Variants in LIN7B observed in about 807,000 individuals in gnomAD.
The protein encoded by LIN7B is lin-7 cell polarity scaffold B.
LIN7B carries 16 observed loss-of-function variants against 27.9 expected under a neutral mutation model. The ratio of observed to expected loss-of-function variants is 0.57; its 90% CI spans 0.39 to 0.87. The LOEUF (loss-of-function observed/expected upper bound fraction) is 0.87, where lower values mean the gene tolerates loss of function less well. Ranked by LOEUF, LIN7B falls within the 40% of genes least tolerant of loss-of-function variation. LIN7B has a pLI of 0.00. For missense variants in LIN7B, 291 were observed against 288.5 expected (o/e 1.01, Z -0.06); for synonymous variants, 147 against 120.8 (o/e 1.22, Z -1.42).
At chr19:49,117,526 A>G (rs948682666) in intron 4 of LIN7B, among the ~76,000 whole-genome samples, 8 of 152,142 alleles carry the variant, frequency 5.3e-5, no homozygotes, top group Non-Finnish European at 8.8e-5. Flanking sequence ...AAAAGAGGAC[A>G]AGGCCTGAGC....
chr19:49,114,711 AC>A (rs1329876172), intron 1 of LIN7B, 137 bp from the exon 2 acceptor site: 7 of 499,858 alleles, frequency 1.4e-5, no homozygotes, highest in Non-Finnish European at 2.3e-5. Flanking sequence ...GCCACCCTGG[AC>A]TCTGCGGGGT....
rs1214636198 is a variant in LIN7B, at chr19:49,118,410, T to C, written c.*37T>C. The C allele has an allele frequency of 6.2e-7, 1 of 1,610,954 alleles. No homozygotes were observed. Reference sequence around the variant, plus strand: ...TGGACGTTCACGTGCACTCTCTTCCTGTACAGTATTTATTGTTCCTGGCAC... The same window carrying C: ...TGGACGTTCACGTGCACTCTCTTCCCGTACAGTATTTATTGTTCCTGGCAC... On this transcript the variant is annotated 3_prime_UTR_variant, in exon 6 of 6. Coordinates refer to ENST00000221459, the MANE Select transcript of LIN7B (RefSeq NM_022165.3).
At chr19:49,114,691 T>C (rs959250050) in intron 1 of LIN7B, 158 bp from the exon 2 acceptor site, 4 of 448,664 alleles carry the variant, frequency 8.9e-6, no homozygotes, top group Non-Finnish European at 1.5e-5. Context: ...CTGGTGGCAG[T>C]CTCTCCTGCG....
At chr19:49,117,267 A>C (rs1363052318) in intron 4 of LIN7B, among the ~76,000 whole-genome samples, 1 of 149,546 alleles carries the variant, frequency 6.7e-6, no homozygotes, top group African/African-American at 2.5e-5. Context: ...AAAAAAACAA[A>C]ACTCACTGTG....
rs1264303381 is a variant in LIN7B at position 49,115,272 on chromosome 19, C to G, written c.169C>G (p.Leu57Val). ...CCTCCTCACCCAGGTGTATGAGCAG[C>G]TTTATGACACGCTGGACATCACCGG... is the stretch of plus-strand genomic sequence containing the variant. ...CSAIREVYEQLYDTLDITGSA... is the reference protein window; with the variant it reads ...CSAIREVYEQVYDTLDITGSA... Residue 57 changes from leucine to valine, a missense_variant, in exon 3 of 6, where the codon CTT (leucine) becomes GTT (valine). Leu to Val is a conservative substitution (Grantham distance 32). Transcript: ENST00000221459. 6 of 1,558,958 alleles carry G rather than the reference C, an allele frequency of 3.8e-6. No individual in the cohort carries two copies. The East Asian group carries it at 7.2e-5, about 19-fold the overall frequency.
Position 49,115,189 on chromosome 19 carries a change from A to G in LIN7B, c.157-71A>G, listed in dbSNP as rs957100329. 13 of 1,372,094 alleles carry G rather than the reference A, an allele frequency of 9.5e-6. No homozygotes were observed. In the African/African-American group the frequency reaches 1.9e-4, roughly 20 times the overall value. 85.0% of individuals were successfully genotyped at this position (1,372,094 alleles called of 1,614,324 possible). A position where few individuals can be genotyped will look rare whatever the true frequency, so the allele number is the denominator to read the frequency against. ...CTTGCGTGGTAGCGGGAGAGGGTCTAGAGGCCTGAACTCCTGCGTCTAGGG... is the reference window on the plus strand; with the variant it reads ...CTTGCGTGGTAGCGGGAGAGGGTCTGGAGGCCTGAACTCCTGCGTCTAGGG... On this transcript the variant is annotated intron_variant, in intron 2 of 5. Coordinates refer to ENST00000221459, the MANE Select transcript of LIN7B (RefSeq NM_022165.3).
intron 3 of LIN7B, 162 bp from the exon 4 acceptor site, chr19:49,116,101 G>C (rs547089565): frequency 1.7e-6 from 1 of 596,940 alleles, no homozygotes; most frequent in East Asian, 2.8e-5. Flanking sequence ...AGAAAGAGAC[G>C]CACAGTCATT....
chr19:49,118,020 T>C lies in LIN7B; in HGVS notation c.602+2T>C, dbSNP rs1568429273. 6.2e-7 allele frequency: 1 copy of C among 1,613,730 alleles called. No individual in the cohort carries two copies. The highest frequency in any genetic ancestry group is 8.5e-7 in the Non-Finnish European group (1 of 1,179,936). ...GCGCCAACAGCATCAGAGCTACTCG[T>C]GAGCCCCTGGGTCACCACACCCCTG... On this transcript the variant is annotated splice_donor_variant, in intron 5 of 5. Transcript: ENST00000221459. LOFTEE classifies it high-confidence loss of function.
At chr19:49,117,790 C>T in intron 4 of LIN7B, 65 bp from the exon 5 acceptor site, 2 of 1,464,800 alleles carry the variant, frequency 1.4e-6, no homozygotes, top group Admixed American at 1.7e-5. Context: ...TGGGTCCCAT[C>T]TCCCAGTGGG....
In LIN7B at chr19:49,117,952, A is replaced by G; in HGVS notation, c.536A>G (p.Glu179Gly). 1 of 1,614,028 alleles carries G rather than the reference A, an allele frequency of 6.2e-7. No individual in the cohort carries two copies. The highest frequency in any genetic ancestry group is 1.3e-5 in the African/African-American group (1 of 74,996). The part of the protein sequence containing the change: ...LVVRYTPRVL[E>G]EMEARFEKMR... ...GTCCGTTACACACCGCGAGTGCTGG[A>G]GGAGATGGAGGCCCGGTTCGAGAAG... The change falls in exon 5 of 6, where the codon GAG becomes GGG. Residue 179 changes from glutamate to glycine, a missense_variant. Physicochemically the swap from Glu to Gly is moderately conservative, Grantham distance 98. Coordinates refer to ENST00000221459, the MANE Select transcript of LIN7B (RefSeq NM_022165.3).
rs553650352 is a variant in LIN7B, at chr19:49,115,565, C to T, written c.228+234C>T. On this transcript the variant is annotated intron_variant, in intron 3 of 5. Transcript: ENST00000221459. ...GTTGGTAGAAGATAACCTTCAACAT[C>T]TGTACAGTGCAAACCAGGAAACTCA... The T allele has an allele frequency of 1.3e-3, 660 of 503,172 alleles. 2 individuals are homozygous for T. Among genetic ancestry groups the T allele is most frequent in the Non-Finnish European group, 2.0e-3 (568 of 278,470 alleles). 31.2% of individuals were successfully genotyped at this position (503,172 alleles called of 1,614,324 possible).
In LIN7B at chr19:49,114,830, C is replaced by G; in HGVS notation, c.38-19C>G. 7.2e-7 allele frequency: 1 copy of G among 1,389,772 alleles called. No homozygotes were observed. Among genetic ancestry groups the G allele is most frequent in the Non-Finnish European group, 9.4e-7 (1 of 1,061,346 alleles). 86.1% of individuals were successfully genotyped at this position (1,389,772 alleles called of 1,614,324 possible). Reference sequence around the variant, plus strand: ...GTCTCTGACACTCGGGGTTTCTGCGCCCCGCCCCCGCCCCGCAGACGTGTC... The same window carrying G: ...GTCTCTGACACTCGGGGTTTCTGCGGCCCGCCCCCGCCCCGCAGACGTGTC... On this transcript the variant is annotated intron_variant, in intron 1 of 5. Transcript: ENST00000221459.
At chr19:49,116,227 A>T in intron 3 of LIN7B, 36 bp from the exon 4 acceptor site, 1 of 1,583,042 alleles carries the variant, frequency 6.3e-7, no homozygotes, top group South Asian at 1.1e-5. Flanking sequence ...CCTACCTGGA[A>T]GGGGCCCTCA....
rs1470562927 is a variant in LIN7B at position 49,117,858 on chromosome 19, G to GT, written c.444dup (p.Glu149Ter). 1 of 1,613,540 alleles carries GT rather than the reference G, an allele frequency of 6.2e-7. No homozygotes were observed. The highest frequency in any genetic ancestry group is 1.3e-5 in the African/African-American group (1 of 74,808). ...CTGTCTGTGTTGGGCCCTGCAGAGCGTTGAGGGTGAGCAGCATGAGAAGGC... is the reference window on the plus strand; with the variant it reads ...CTGTCTGTGTTGGGCCCTGCAGAGCGTTTGAGGGTGAGCAGCATGAGAAGGC... On this transcript the variant is annotated frameshift_variant, in exon 5 of 6. Coordinates refer to ENST00000221459, the MANE Select transcript of LIN7B (RefSeq NM_022165.3). LOFTEE classifies it high-confidence loss of function.
intron 1 of LIN7B, 171 bp downstream of exon 1, chr19:49,114,612 C>G: frequency 2.0e-6 from 1 of 512,366 alleles, no homozygotes; most frequent in Non-Finnish European, 3.0e-6. Context: ...GCTCCCTGGG[C>G]GCGGGCCGGG....
chr19:49,114,917 C>T lies in LIN7B; in HGVS notation c.106C>T (p.Gln36Ter). The T allele has an allele frequency of 6.8e-7, 1 of 1,472,944 alleles. No homozygotes were observed. Among genetic ancestry groups the T allele is most frequent in the Non-Finnish European group, 9.0e-7 (1 of 1,113,294 alleles). The allele number at this position is 1,472,944 out of a possible 1,614,324, so 91.2% of individuals were successfully genotyped here. ...RSGELPPQKL[Q>*]ALQRVLQSRF... is the part of the protein sequence containing the mutation. ...CGGGGAGCTGCCGCCGCAGAAGCTG[C>T]AGGCCCTCCAGCGAGTTCTGCAGAG... The change falls in exon 2 of 6, where the codon CAG becomes TAG. Residue 36 changes from glutamine (Q) to a stop codon, truncating the protein, a stop_gained. Transcript: ENST00000221459. LOFTEE classifies it high-confidence loss of function.
In LIN7B at chr19:49,114,425, G is replaced by C. The variant is rs1034811438; in HGVS notation, c.21G>C (p.Pro7=). Residue 7 remains proline (P), a synonymous_variant, in exon 1 of 6, where the codon CCG becomes CCC. Coordinates refer to ENST00000221459, the MANE Select transcript of LIN7B (RefSeq NM_022165.3). The stretch of plus-strand genomic sequence containing the variant: ...CCGACATGGCTGCGCTGGTGGAGCC[G>C]CTGGGGCTGGAGCGGGGTAAGCGTG... The part of the protein sequence containing the change: MAALVE[P]LGLERDVSRA... 14 of 1,206,036 alleles carry C rather than the reference G, an allele frequency of 1.2e-5. No homozygotes were observed. In the African/African-American group the frequency reaches 2.1e-4, roughly 18 times the overall value. The allele number at this position is 1,206,036 out of a possible 1,614,324, so 74.7% of individuals were successfully genotyped here.
intron 2 of LIN7B, 53 bp from the exon 3 acceptor site, chr19:49,115,207 G>C (rs1255878889): frequency 6.7e-7 from 1 of 1,498,260 alleles, no homozygotes; most frequent in Non-Finnish European, 9.1e-7. Flanking sequence ...GAACTCCTGC[G>C]TCTAGGGCTG....
chr19:49,115,094 A>T, intron 2 of LIN7B, 127 bp downstream of exon 2: 1 of 883,386 alleles, frequency 1.1e-6, no homozygotes, highest in South Asian at 2.0e-5. Context: ...TGGGGTGCCA[A>T]CGCTTCAGCT....
Sources: allele counts gnomAD v4.1 joint callset (sites outside exome capture counted in the v4.1 genomes callset), GRCh38; gene constraint gnomAD v4.1.1; transcripts MANE v1.5; gene names NCBI Gene and HGNC (gene_info 2026-07-23, HGNC 2026-07-21).